Variants in USP32 observed in about 807,000 individuals in gnomAD.
The protein encoded by USP32 is ubiquitin specific peptidase 32.
Under a neutral mutation model 204.8 loss-of-function variants are expected in USP32, and 59 were observed. The ratio of observed to expected loss-of-function variants is 0.29; its 90% CI spans 0.23 to 0.36. The LOEUF (loss-of-function observed/expected upper bound fraction) is 0.36. Ranked by LOEUF, USP32 falls within the 10% of genes least tolerant of loss-of-function variation. USP32 has a pLI of 1.00. For missense variants in USP32, 1,160 were observed against 1,946.4 expected, an observed-to-expected ratio of 0.60 and a Z score of 7.60; for synonymous variants, 517 against 678.4, an observed-to-expected ratio of 0.76 and a Z score of 3.70.
chr17:60,259,916 G>T (rs2086411705), intron 9 of USP32, among the ~76,000 whole-genome samples: 1 of 152,166 alleles, frequency 6.6e-6, no homozygotes, highest in South Asian at 2.1e-4. Context: ...TGATATTTTT[G>T]TGACTAGAAA....
chr17:60,240,768 A>G (rs1339182652), intron 11 of USP32, among the ~76,000 whole-genome samples: 1 of 152,100 alleles, frequency 6.6e-6, no homozygotes, highest in African/African-American at 2.4e-5. Context: ...TTCCCAAGGA[A>G]ACTCTCAAGT....
intron 1 of USP32, among the ~76,000 whole-genome samples, chr17:60,351,538 C>G (rs1177828605): frequency 1.3e-5 from 2 of 152,056 alleles, no homozygotes; most frequent in African/African-American, 4.8e-5. Context: ...AAGCAATTCT[C>G]CTGCCCAGCC....
intron 3 of USP32, among the ~76,000 whole-genome samples, chr17:60,297,175 A>G (rs748350652): frequency 8.5e-5 from 13 of 152,154 alleles, no homozygotes; most frequent in South Asian, 4.1e-4. Context: ...AGACGAGAGA[A>G]TCATTTGAGG....
chr17:60,266,608 C>T (rs2086598408), intron 7 of USP32, among the ~76,000 whole-genome samples: 1 of 151,696 alleles, frequency 6.6e-6, no homozygotes, highest in African/African-American at 2.4e-5. Flanking sequence ...CCTGCCTCAG[C>T]CTCCCGAGTA....
At chr17:60,331,635 C>T (rs2088386892) in intron 2 of USP32, among the ~76,000 whole-genome samples, 1 of 135,438 alleles carries the variant, frequency 7.4e-6, no homozygotes, top group South Asian at 2.4e-4. Context: ...TGAGGTCAGG[C>T]ACAGTGGCTC....
chr17:60,231,761 C>A (rs932333548), intron 12 of USP32: 1 of 307,212 alleles, frequency 3.3e-6, no homozygotes, highest in Admixed American at 3.4e-5. Context: ...GGAAGATACA[C>A]ATTATGTAAT....
intron 2 of USP32, among the ~76,000 whole-genome samples, chr17:60,326,225 T>C (rs547213460): frequency 6.6e-6 from 1 of 152,122 alleles, no homozygotes; most frequent in South Asian, 2.1e-4. Context: ...CATAGATTCA[T>C]CATAAATCAA....
At chr17:60,323,031 C>A (rs2088149993) in intron 2 of USP32, among the ~76,000 whole-genome samples, 1 of 152,016 alleles carries the variant, frequency 6.6e-6, no homozygotes, top group Non-Finnish European at 1.5e-5. Flanking sequence ...AAATTGGAAC[C>A]CACATATACT....
chr17:60,308,818 C>T (rs2087788400), intron 2 of USP32, among the ~76,000 whole-genome samples: 1 of 152,164 alleles, frequency 6.6e-6, no homozygotes, highest in African/African-American at 2.4e-5. Context: ...ATCCCAGCTA[C>T]TCAGGAGGCT....
chr17:60,355,886 G>GTA (rs2089062983), intron 1 of USP32, among the ~76,000 whole-genome samples: 1 of 53,420 alleles, frequency 1.9e-5, no homozygotes, highest in Non-Finnish European at 3.3e-5. Context: ...CTGAACCTCT[G>GTA]TAAAAAAAAA....
chr17:60,349,596 A>ATAT (rs1249040514), intron 1 of USP32, among the ~76,000 whole-genome samples: 24 of 65,178 alleles, frequency 3.7e-4, no homozygotes, highest in Non-Finnish European at 5.0e-4. Flanking sequence ...AAAAAAAAAA[A>ATAT]ATATATATAT....
intron 1 of USP32, among the ~76,000 whole-genome samples, chr17:60,363,479 C>T (rs888676491): frequency 1.4e-5 from 2 of 145,992 alleles, no homozygotes; most frequent in African/African-American, 5.1e-5. Flanking sequence ...AAAAGCGCCA[C>T]TGCACTCCAG....
rs181874752 is a variant in USP32, at chr17:60,214,144, G to A, written c.2022+476C>T. On this transcript the variant is annotated intron_variant, in intron 17 of 33. Coordinates refer to ENST00000300896, the MANE Select transcript of USP32 (RefSeq NM_032582.4). ...TTTAGTAGAGACAGGGTTTCACCAC[G>A]TTGGCCAGGCTGGTCTCAAACTCCT... Among the ~76,000 whole-genome samples, 213 of 152,170 alleles carry A rather than the reference G, an allele frequency of 1.4e-3. 1 individual carries two copies. Among genetic ancestry groups the A allele is most frequent in the African/African-American group, 4.8e-3 (200 of 41,510 alleles).
chr17:60,226,212 A>G lies in USP32; in HGVS notation c.1259T>C (p.Ile420Thr), dbSNP rs200478675. The change falls in exon 13 of 34, where the codon ATT (isoleucine) becomes ACT (threonine). Residue 420 changes from isoleucine (I) to threonine (T), a missense_variant. Around this residue, in one of 8 missense-constraint regions of USP32, gnomAD observed 536 missense variants for 680.9 expected, o/e 0.79. Transcript: ENST00000300896. ...TCCATTCAAAACAGATGATGGCTCAATTACCACAGGGTTGGCATCCTAAAA... is the reference window on the plus strand; with the variant it reads ...TCCATTCAAAACAGATGATGGCTCAGTTACCACAGGGTTGGCATCCTAAAA... ...YVKYDANPVV[I>T]EPSSVLNGGK... The G allele has an allele frequency of 1.3e-6, 2 of 1,553,580 alleles. No individual in the cohort carries two copies. The highest frequency in any genetic ancestry group is 1.7e-6 in the Non-Finnish European group (2 of 1,157,638).
chr17:60,191,569 G>A (rs1328243930), intron 28 of USP32, among the ~76,000 whole-genome samples: 2 of 151,382 alleles, frequency 1.3e-5, no homozygotes, highest in African/African-American at 4.9e-5. Flanking sequence ...GAGTGCAGTG[G>A]TGCGATCTGA....
Position 60,181,434 on chromosome 17 carries a change from C to T in USP32, c.4438G>A (p.Gly1480Ser), listed in dbSNP as rs768963519. ...AGCTGACCATTGCTGTAGCCATTGC[C>T]ACATGCTTCATGCTCATAAAGGAAT... is the stretch of plus-strand genomic sequence containing the variant. ...NGFLYEHEACGNGYSNGQLGN... is the reference protein window; with the variant it reads ...NGFLYEHEACSNGYSNGQLGN... Residue 1480 changes from glycine to serine, a missense_variant, in exon 32 of 34, where the codon GGC becomes AGC. Gly to Ser is a moderately conservative substitution (Grantham distance 56). This residue lies in a region of USP32 where 244 missense variants were observed against 342.3 expected (regional missense o/e 0.71). Coordinates refer to ENST00000300896, the MANE Select transcript of USP32 (RefSeq NM_032582.4). 4.3e-6 allele frequency: 7 copies of T among 1,613,870 alleles called. No individual in the cohort carries two copies. The East Asian group carries it at 1.3e-4, about 31-fold the overall frequency.
rs986495739 is a variant in USP32 at position 60,198,162 on chromosome 17, C to A, written c.3434+98G>T. ...GAGTGGTTCTTCCAAGAGTGATTAA[C>A]TTGACATAGGCTGGGTCCTATCAGT... On this transcript the variant is annotated intron_variant, in intron 27 of 33. Coordinates refer to ENST00000300896, the MANE Select transcript of USP32 (RefSeq NM_032582.4). 6 of 1,476,606 alleles carry A rather than the reference C, an allele frequency of 4.1e-6. No homozygotes were observed. The African/African-American group carries it at 8.5e-5, about 21-fold the overall frequency. The allele number at this position is 1,476,606 out of a possible 1,614,324, so 91.5% of individuals were successfully genotyped here.
intron 11 of USP32, 119 bp from the exon 12 acceptor site, chr17:60,236,359 G>A: frequency 1.3e-6 from 1 of 742,826 alleles, no homozygotes; most frequent in Non-Finnish European, 2.2e-6. Context: ...GTAATTAGGA[G>A]AGACTGCCAA....
At chr17:60,390,603 C>T (rs1345166449) in intron 1 of USP32, among the ~76,000 whole-genome samples, 1 of 152,222 alleles carries the variant, frequency 6.6e-6, no homozygotes, top group Non-Finnish European at 1.5e-5. Context: ...ACCACCAATA[C>T]ATCTCAATTC....
Sources: gnomAD v4.1 joint callset for allele counts (sites outside exome capture counted in the v4.1 genomes callset) on GRCh38, gnomAD v4.1.1 for gene constraint, gnomAD v4.1.1 regional missense constraint, MANE v1.5 for transcripts, NCBI Gene and HGNC (gene_info 2026-07-23, HGNC 2026-07-21) for gene names.